CPE: variants seen among roughly 807,000 people sequenced by gnomAD.
The protein encoded by CPE is carboxypeptidase E, also known as carbocypeptidase E.
A neutral mutation model predicts 53.5 loss-of-function variants in CPE; 17 were observed. That is an observed-to-expected ratio of 0.32 (90% CI 0.22 to 0.48). The LOEUF (loss-of-function observed/expected upper bound fraction) is 0.48. Ranked by LOEUF, CPE falls within the 20% of genes least tolerant of loss-of-function variation. The probability of loss-of-function intolerance (pLI) is 0.99; values close to 1 mark genes in which losing one functional copy is unlikely to be tolerated. For synonymous variants in CPE, 226 were observed against 228.8 expected (o/e 0.99, Z 0.11); for missense variants, 524 against 614.7 (o/e 0.85, Z 1.56).
At chr4:165,411,280 A>G (rs1266496068) in intron 1 of CPE, among the ~76,000 whole-genome samples, 1 of 152,168 alleles carries the variant, frequency 6.6e-6, no homozygotes, top group Non-Finnish European at 1.5e-5. Flanking sequence ...TTAAAAATTG[A>G]CTTTTGGTCA....
At chr4:165,435,127 CTT>C (rs1731476027) in intron 1 of CPE, among the ~76,000 whole-genome samples, 1 of 152,164 alleles carries the variant, frequency 6.6e-6, no homozygotes, top group Non-Finnish European at 1.5e-5. Context: ...GAATAAACCT[CTT>C]GTCTTTATGA....
chr4:165,419,574 C>T (rs1025092568), intron 1 of CPE, among the ~76,000 whole-genome samples: 1 of 152,040 alleles, frequency 6.6e-6, no homozygotes, highest in Non-Finnish European at 1.5e-5. Flanking sequence ...AATGTAAGAT[C>T]ATCAAAACCA....
intron 3 of CPE, among the ~76,000 whole-genome samples, chr4:165,473,704 G>A (rs1015385773): frequency 3.9e-5 from 6 of 152,338 alleles, no homozygotes; most frequent in Admixed American, 2.6e-4. Context: ...GCCCAAAAGA[G>A]TGTGAATCTT....
chr4:165,451,174 T>C (rs534539835), intron 1 of CPE, among the ~76,000 whole-genome samples: 1 of 152,324 alleles, frequency 6.6e-6, no homozygotes, highest in Non-Finnish European at 1.5e-5. Flanking sequence ...AGCCCTGCCA[T>C]ATGGGATAGG....
In CPE at chr4:165,432,795, G is replaced by A. The variant is rs183337372; in HGVS notation, c.308-31595G>A. Among the ~76,000 whole-genome samples the A allele has an allele frequency of 1.4e-4, 21 of 152,042 alleles. 1 individual carries two copies. In the East Asian group the frequency reaches 2.5e-3, roughly 18 times the overall value. On this transcript the variant is annotated intron_variant, in intron 1 of 8. Transcript: ENST00000402744. Reference sequence around the variant, plus strand: ...TTTGTTTCCATGTGGCCTAAACAGCGCAACCCGCCCCCAGCTGCTCCTACC... The same window carrying A: ...TTTGTTTCCATGTGGCCTAAACAGCACAACCCGCCCCCAGCTGCTCCTACC...
chr4:165,393,889 AGTAC>A (rs750949757), intron 1 of CPE, among the ~76,000 whole-genome samples: 3 of 152,236 alleles, frequency 2.0e-5, no homozygotes, highest in Non-Finnish European at 2.9e-5. Flanking sequence ...GCACACTGTA[AGTAC>A]CTACAGAAAA....
At chr4:165,392,247 G>A (rs1217909088) in intron 1 of CPE, among the ~76,000 whole-genome samples, 2 of 143,550 alleles carry the variant, frequency 1.4e-5, no homozygotes, top group African/African-American at 2.5e-5. Context: ...TGTATATATA[G>A]GTATATAATA....
chr4:165,446,401 T>A (rs573417242), intron 1 of CPE, among the ~76,000 whole-genome samples: 2 of 152,346 alleles, frequency 1.3e-5, no homozygotes, highest in East Asian at 3.9e-4. Flanking sequence ...AGCATAAGAT[T>A]TGGCAAGATA....
At chr4:165,477,002 A>G (rs898856449) in intron 3 of CPE, among the ~76,000 whole-genome samples, 1 of 152,234 alleles carries the variant, frequency 6.6e-6, no homozygotes, top group Admixed American at 6.5e-5. Context: ...ATATTAGCCT[A>G]CAAGCTTTCC....
intron 1 of CPE, among the ~76,000 whole-genome samples, chr4:165,410,075 C>T (rs1051812626): frequency 3.3e-5 from 5 of 151,802 alleles, no homozygotes; most frequent in African/African-American, 4.8e-5. Context: ...TGGTGAAACC[C>T]CTTTCTTTAC....
chr4:165,404,676 T>C, intron 1 of CPE: 1 of 975,306 alleles, frequency 1.0e-6, no homozygotes, highest in Admixed American at 1.7e-5. Context: ...TCCTGGAGGA[T>C]TCAGATGACT....
intron 1 of CPE, among the ~76,000 whole-genome samples, chr4:165,420,750 G>T (rs28490347): frequency 0.3 from 44,914 of 151,968 alleles, 6,713 homozygotes; most frequent in Middle Eastern, 0.39. Flanking sequence ...CATATGCATA[G>T]TCAAGCATTC....
At chr4:165,473,164 TC>T (rs1732238551) in intron 3 of CPE, among the ~76,000 whole-genome samples, 1 of 152,226 alleles carries the variant, frequency 6.6e-6, no homozygotes, top group South Asian at 2.1e-4. Context: ...CTTTCACAGA[TC>T]TTTTCACAAC....
At chr4:165,443,113 G>T (rs562304718) in intron 1 of CPE, among the ~76,000 whole-genome samples, 1 of 152,168 alleles carries the variant, frequency 6.6e-6, no homozygotes, top group South Asian at 2.1e-4. Flanking sequence ...CATCTCTTGG[G>T]GTTTGGATCA....
intron 1 of CPE, among the ~76,000 whole-genome samples, chr4:165,441,474 G>T (rs1306864913): frequency 6.6e-6 from 1 of 152,116 alleles, no homozygotes. Context: ...TGGTACTGGG[G>T]TTTTGGGGGC....
intron 1 of CPE, among the ~76,000 whole-genome samples, chr4:165,402,478 G>T (rs1434728420): frequency 1.3e-5 from 2 of 152,210 alleles, no homozygotes; most frequent in Admixed American, 1.3e-4. Context: ...GACGGAGCCT[G>T]TTGGGAGGTG....
chr4:165,439,028 G>A (rs1006839428), intron 1 of CPE, among the ~76,000 whole-genome samples: 2 of 152,154 alleles, frequency 1.3e-5, no homozygotes, highest in Admixed American at 1.3e-4. Flanking sequence ...AAAGGTGTCT[G>A]ATTTTCAGTC....
chr4:165,446,962 C>G (rs983604562), intron 1 of CPE, among the ~76,000 whole-genome samples: 4 of 152,160 alleles, frequency 2.6e-5, no homozygotes, highest in African/African-American at 9.7e-5. Context: ...TATGGTAGAG[C>G]CTACTACACA....
intron 1 of CPE, among the ~76,000 whole-genome samples, chr4:165,421,377 A>G (rs573498542): frequency 6.6e-6 from 1 of 152,316 alleles, no homozygotes; most frequent in Non-Finnish European, 1.5e-5. Context: ...CTTAGTTGGT[A>G]TCTCTTCTAT....
Sources: gnomAD v4.1 joint callset for allele counts (sites outside exome capture counted in the v4.1 genomes callset) on GRCh38, gnomAD v4.1.1 for gene constraint, MANE v1.5 for transcripts, NCBI Gene and HGNC (gene_info 2026-07-23, HGNC 2026-07-21) for gene names.